CADPS: variants seen among roughly 807,000 people sequenced by gnomAD.
The protein encoded by CADPS is calcium-dependent secretion activator 1.
A neutral mutation model predicts 167.3 loss-of-function variants in CADPS; 57 were observed. The observed-to-expected ratio is 0.34, with a 90% confidence interval of 0.28 to 0.42. The LOEUF is 0.42. CADPS is among the 20% of genes least tolerant of loss of function. The probability of loss-of-function intolerance (pLI) is 1.00; values close to 1 mark genes in which losing one functional copy is unlikely to be tolerated. For synonymous variants in CADPS, 676 were observed against 635.3 expected (o/e 1.06, Z -0.96); for missense variants, 1,414 against 1,738.1 (o/e 0.81, Z 3.32).
chr3:62,783,873 G>A (rs1195333172), intron 1 of CADPS, among the ~76,000 whole-genome samples: 1 of 152,180 alleles, frequency 6.6e-6, no homozygotes, highest in Non-Finnish European at 1.5e-5. Flanking sequence ...ATTTATCTGA[G>A]AGAAGGAGAG....
chr3:62,759,342 C>A (rs1018077692), intron 2 of CADPS, among the ~76,000 whole-genome samples: 1 of 152,148 alleles, frequency 6.6e-6, no homozygotes, highest in East Asian at 1.9e-4. Context: ...GAATGTAATA[C>A]AAGTTAGCTG....
In CADPS at chr3:62,601,510, C is replaced by T. The variant is rs901066387; in HGVS notation, c.1326-8762G>A. 8.5e-5 allele frequency among the ~76,000 whole-genome samples: 13 copies of T among 152,276 alleles called. No homozygotes were observed. The highest frequency in any genetic ancestry group is 4.8e-5 in the African/African-American group (2 of 41,542). On this transcript the variant is annotated intron_variant, in intron 6 of 29. Coordinates refer to ENST00000383710, the MANE Select transcript of CADPS (RefSeq NM_003716.4). The surrounding 1 kb of genome is among the most constrained non-coding windows in gnomAD (Gnocchi z 4.3). ...GCTCATCTGGGCATACCCACAAAGA[C>T]GAACTATAAACATGCACTCACAAAG...
chr3:62,720,044 GA>G (rs2075447250), intron 3 of CADPS, among the ~76,000 whole-genome samples: 1 of 152,182 alleles, frequency 6.6e-6, no homozygotes, highest in African/African-American at 2.4e-5. Flanking sequence ...GTCAACTGAT[GA>G]TGGACACAAA....
rs575695273 is a variant in CADPS at position 62,578,491 on chromosome 3, T to G, written c.1577+6694A>C. On this transcript the variant is annotated intron_variant, in intron 8 of 29. Transcript: ENST00000383710. ...TGGGCATGGTGGCGGGCACCTGTAG[T>G]CCCAGCTGCTTGGGAGGCTGAGGCA... Among the ~76,000 whole-genome samples, 7 of 151,298 alleles carry G rather than the reference T, an allele frequency of 4.6e-5. No individual in the cohort carries two copies. The East Asian group carries it at 1.4e-3, about 30-fold the overall frequency.
intron 3 of CADPS, among the ~76,000 whole-genome samples, chr3:62,727,832 G>A (rs1008974785): frequency 1.3e-5 from 2 of 151,788 alleles, no homozygotes; most frequent in Non-Finnish European, 2.9e-5. Context: ...CAAATACTTA[G>A]CTCACTTATA....
At chr3:62,783,836 G>A (rs933493172) in intron 1 of CADPS, among the ~76,000 whole-genome samples, 3 of 149,998 alleles carry the variant, frequency 2.0e-5, no homozygotes, top group African/African-American at 7.4e-5. Flanking sequence ...AATATGAGGT[G>A]GAGAAACACA....
At chr3:62,837,388 C>T (rs375083592) in intron 1 of CADPS, among the ~76,000 whole-genome samples, 27 of 152,150 alleles carry the variant, frequency 1.8e-4, no homozygotes, top group Non-Finnish European at 3.5e-4. Flanking sequence ...CCTCACAGGA[C>T]GGGTTAAGTT....
At chr3:62,701,306 A>G (rs1333805737) in intron 3 of CADPS, among the ~76,000 whole-genome samples, 1 of 152,040 alleles carries the variant, frequency 6.6e-6, no homozygotes, top group African/African-American at 2.4e-5. Flanking sequence ...GGTTGTGGGG[A>G]TTGGGGCTGC....
intron 3 of CADPS, among the ~76,000 whole-genome samples, chr3:62,699,519 A>G (rs559356207): frequency 6.6e-6 from 1 of 152,238 alleles, no homozygotes; most frequent in South Asian, 2.1e-4. Context: ...ATTAATAAAC[A>G]TTGTTCATCA....
chr3:62,632,612 G>A (rs1365394542), intron 6 of CADPS, among the ~76,000 whole-genome samples: 1 of 152,064 alleles, frequency 6.6e-6, no homozygotes, highest in Non-Finnish European at 1.5e-5. Flanking sequence ...ACAGAGAACA[G>A]CTCACTTGCT....
chr3:62,703,368 T>C (rs572030442), intron 3 of CADPS, among the ~76,000 whole-genome samples: 2 of 152,220 alleles, frequency 1.3e-5, no homozygotes, highest in South Asian at 4.1e-4. Context: ...GAATGGTCCT[T>C]AGTTAATTTA....
rs527645488 is a variant in CADPS at position 62,509,464 on chromosome 3, C to G, written c.2599+3287G>C. On this transcript the variant is annotated intron_variant, in intron 17 of 29. Transcript: ENST00000383710. ...AAGACAGTGGGGTGGTGGCTTGGCT[C>G]TATGTGTTGGTGAGTTTTGCCAGCT... Among the ~76,000 whole-genome samples the G allele has an allele frequency of 1.4e-4, 22 of 152,112 alleles. No homozygotes were observed. In the South Asian group the frequency reaches 3.5e-3, roughly 24 times the overall value.
At chr3:62,599,831 T>TAATATATATAATATTTAA (rs1562716692) in intron 6 of CADPS, among the ~76,000 whole-genome samples, 1 of 6,106 alleles carries the variant, frequency 1.6e-4, no homozygotes, top group Non-Finnish European at 3.4e-4. Context: ...ATATTATATA[T>TAATATATATAATATTTAA]ATAATATATT....
intron 3 of CADPS, among the ~76,000 whole-genome samples, chr3:62,665,049 T>C (rs1512017): frequency 3.0e-4 from 45 of 152,128 alleles, no homozygotes; most frequent in African/African-American, 1.0e-3. Context: ...ACAGGCATGA[T>C]TTGGGCATAA....
rs1227360803 is a variant in CADPS, at chr3:62,455,428, A to G, written c.3637-9631T>C. Among the ~76,000 whole-genome samples, 3 of 152,140 alleles carry G rather than the reference A, an allele frequency of 2.0e-5. No homozygotes were observed. The highest frequency in any genetic ancestry group is 2.1e-4 in the South Asian group (1 of 4,818). ...AACTGAGGCTCAGAGAGGTTAATCG[A>G]CTTTTGAAAAGATCCACAACTAGTG... On this transcript the variant is annotated intron_variant, in intron 26 of 29. Transcript: ENST00000383710. The surrounding 1 kb of genome is among the most constrained non-coding windows in gnomAD (Gnocchi z 4.4).
intron 3 of CADPS, among the ~76,000 whole-genome samples, chr3:62,704,686 G>T (rs1276190777): frequency 2.6e-5 from 4 of 152,006 alleles, no homozygotes; most frequent in African/African-American, 9.7e-5. Context: ...TATTCCTCTT[G>T]TATAAGGTAA....
In CADPS at chr3:62,753,886, C is replaced by T. The variant is rs2083268564; in HGVS notation, c.556-113G>A. On this transcript the variant is annotated intron_variant, in intron 2 of 29. Coordinates refer to ENST00000383710, the MANE Select transcript of CADPS (RefSeq NM_003716.4). This position sits in a 1 kb window ranked among gnomAD's most constrained non-coding sequence, Gnocchi z 4.6. ...CTCACGTGCATCCCAGGAGGAACCA[C>T]TGTGGGTCTCACCCTGCCCCACCAC... 2.0e-6 allele frequency: 2 copies of T among 981,358 alleles called. No individual in the cohort carries two copies. Among genetic ancestry groups the T allele is most frequent in the South Asian group, 1.7e-5 (1 of 58,636 alleles). The allele number at this position is 981,358 out of a possible 1,614,324, so 60.8% of individuals were successfully genotyped here. A position where few individuals can be genotyped will look rare whatever the true frequency, so the allele number is the denominator to read the frequency against.
At chr3:62,546,625 T>C (rs1039178380) in intron 11 of CADPS, among the ~76,000 whole-genome samples, 1 of 152,170 alleles carries the variant, frequency 6.6e-6, no homozygotes, top group Non-Finnish European at 1.5e-5. Context: ...CAACCAGCGG[T>C]GGATTGAAAA....
chr3:62,611,333 T>C (rs2061476986), intron 6 of CADPS, among the ~76,000 whole-genome samples: 1 of 152,168 alleles, frequency 6.6e-6, no homozygotes, highest in Non-Finnish European at 1.5e-5. Flanking sequence ...ATCTTCAAAA[T>C]GTAGGTAGAA....
Sources: allele counts gnomAD v4.1 joint callset (sites outside exome capture counted in the v4.1 genomes callset), GRCh38; gene constraint gnomAD v4.1.1; non-coding constraint Gnocchi (gnomAD v3.1); transcripts MANE v1.5; gene names NCBI Gene and HGNC (gene_info 2026-07-23, HGNC 2026-07-21).